The following MSR1 variants were observed in gnomAD, a reference collection of about 807,000 sequenced individuals.
The protein encoded by MSR1 is macrophage scavenger receptor 1.
A neutral mutation model predicts 47.2 loss-of-function variants in MSR1; 53 were observed. That is an observed-to-expected ratio of 1.12 (90% CI 0.90 to 1.41). The LOEUF is 1.41. Among genes scored for constraint, MSR1 ranks in the 40% most tolerant of loss-of-function variants. The pLI is 0.00. For missense variants in MSR1, 786 were observed against 546.9 expected, an observed-to-expected ratio of 1.44 and a Z score of -4.36; for synonymous variants, 239 against 185.6, an observed-to-expected ratio of 1.29 and a Z score of -2.34.
At chr8:16,180,696 G>A (rs1801803256) in intron 1 of MSR1, among the ~76,000 whole-genome samples, 1 of 152,146 alleles carries the variant, frequency 6.6e-6, no homozygotes, top group South Asian at 2.1e-4. Context: ...AGATGCAAAT[G>A]TTCATCCCAC....
In MSR1 at chr8:16,168,646, T is replaced by C. The variant is rs766597020; in HGVS notation, c.442A>G (p.Thr148Ala). Residue 148 changes from threonine to alanine, a missense_variant, in exon 4 of 10, where the codon ACT becomes GCT. Physicochemically the swap from Thr to Ala is moderately conservative, Grantham distance 58. Transcript: ENST00000262101. ...AGAATGTCATTAAATCTTTGATCAG[T>C]TGTCATGCTGAAATTTTGGAAATGC... Reference protein sequence around the residue: ...TEHFQNFSMTTDQRFNDILLQ... With the variant: ...TEHFQNFSMTADQRFNDILLQ... 21 of 1,614,028 alleles carry C rather than the reference T, an allele frequency of 1.3e-5. No homozygotes were observed. Among genetic ancestry groups the C allele is most frequent in the East Asian group, 2.2e-5 (1 of 44,886 alleles).
At position 16,181,261 on chromosome 8, in the gene MSR1, G is replaced by A. The variant is rs570583060; in HGVS notation, c.-4-3269C>T. ...GCATTTCTGGTTCTAAATCCTTGAG[G>A]AACTGCCACACTGTCTTCCACAATG... On this transcript the variant is annotated intron_variant, in intron 1 of 9. Coordinates refer to ENST00000262101, the MANE Select transcript of MSR1 (RefSeq NM_138715.3). Among the ~76,000 whole-genome samples, 5 of 152,258 alleles carry A rather than the reference G, an allele frequency of 3.3e-5. No individual in the cohort carries two copies. The East Asian group carries it at 5.8e-4, about 18-fold the overall frequency.
In MSR1 at chr8:16,176,795, T is replaced by C. The variant is rs146594887; in HGVS notation, c.103+1091A>G. On this transcript the variant is annotated intron_variant, in intron 2 of 9. Transcript: ENST00000262101. ...TTCTGTCTGTAACAGCCCTCACTGT[T>C]ATCTTTTCTTACATGTGTCTCACTT... Among the ~76,000 whole-genome samples, 52 of 152,294 alleles carry C rather than the reference T, an allele frequency of 3.4e-4. No homozygotes were observed. The East Asian group carries it at 9.9e-3, about 29-fold the overall frequency.
intron 8 of MSR1, chr8:16,139,290 T>C (rs913680788): frequency 1.0e-6 from 1 of 984,292 alleles, no homozygotes; most frequent in East Asian, 1.1e-4. Context: ...GCTATTCCAG[T>C]TCAGAGAGAT....
chr8:16,138,525 G>A (rs1800447279), intron 8 of MSR1, among the ~76,000 whole-genome samples: 1 of 152,122 alleles, frequency 6.6e-6, no homozygotes, highest in African/African-American at 2.4e-5. Context: ...TGAAAAGTTT[G>A]GATTAGTTTT....
In MSR1 at chr8:16,110,001, T is replaced by C; in HGVS notation, c.*84A>G. ...GGCAATATTCTTAATCTCTTAAATATTGATTAAATGGATTTTACAGGAACA... is the reference window on the plus strand; with the variant it reads ...GGCAATATTCTTAATCTCTTAAATACTGATTAAATGGATTTTACAGGAACA... On this transcript the variant is annotated 3_prime_UTR_variant, in exon 10 of 10. Coordinates refer to ENST00000262101, the MANE Select transcript of MSR1 (RefSeq NM_138715.3). The C allele has an allele frequency of 6.6e-7, 1 of 1,524,078 alleles. No homozygotes were observed. The highest frequency in any genetic ancestry group is 1.1e-5 in the South Asian group (1 of 88,952). The allele number at this position is 1,524,078 out of a possible 1,614,324, so 94.4% of individuals were successfully genotyped here.
intron 5 of MSR1, among the ~76,000 whole-genome samples, chr8:16,157,297 A>G (rs1186794140): frequency 1.3e-5 from 2 of 151,948 alleles, no homozygotes; most frequent in Non-Finnish European, 2.9e-5. Flanking sequence ...CAATTATATT[A>G]CATGTAATTA....
chr8:16,125,368 G>C (rs929576173), intron 8 of MSR1, among the ~76,000 whole-genome samples: 3 of 152,086 alleles, frequency 2.0e-5, no homozygotes, highest in African/African-American at 7.2e-5. Context: ...AAGAGACTTA[G>C]CAGTGAGATT....
Position 16,150,230 on chromosome 8 carries a change from C to A in MSR1, c.979+1G>T. On this transcript the variant is annotated splice_donor_variant, in intron 7 of 9. Transcript: ENST00000262101. LOFTEE classifies it high-confidence loss of function. ...AAAGAAAATACACATTATTGTAATA[C>A]CTGGCCTTCCGGCATATCCTGGGAG... The A allele has an allele frequency of 6.7e-7, 1 of 1,496,284 alleles. No homozygotes were observed. The highest frequency in any genetic ancestry group is 1.3e-5 in the South Asian group (1 of 78,268). The allele number at this position is 1,496,284 out of a possible 1,614,324, so 92.7% of individuals were successfully genotyped here. A position where few individuals can be genotyped will look rare whatever the true frequency, so the allele number is the denominator to read the frequency against.
intron 6 of MSR1, among the ~76,000 whole-genome samples, chr8:16,151,276 G>T (rs1800851401): frequency 6.6e-6 from 1 of 152,040 alleles, no homozygotes; most frequent in Non-Finnish European, 1.5e-5. Context: ...GTGATGCTCA[G>T]AACACAGCTG....
At chr8:16,169,109 T>C (rs902347295) in intron 3 of MSR1, among the ~76,000 whole-genome samples, 5 of 152,220 alleles carry the variant, frequency 3.3e-5, no homozygotes, top group Non-Finnish European at 5.9e-5. Flanking sequence ...GATTATATCA[T>C]GCTTTCTGAA....
At chr8:16,181,132 A>C (rs1404519026) in intron 1 of MSR1, among the ~76,000 whole-genome samples, 1 of 152,204 alleles carries the variant, frequency 6.6e-6, no homozygotes, top group African/African-American at 2.4e-5. Context: ...AATTAAAAAA[A>C]ACTGACATGA....
intron 2 of MSR1, among the ~76,000 whole-genome samples, chr8:16,175,503 G>C (rs973944450): frequency 2.0e-5 from 3 of 152,182 alleles, no homozygotes; most frequent in Admixed American, 6.5e-5. Context: ...GCACTTGACT[G>C]ACTTATCCAC....
intron 8 of MSR1, chr8:16,139,195 T>G: frequency 3.5e-6 from 3 of 847,956 alleles, no homozygotes; most frequent in Non-Finnish European, 4.3e-6. Context: ...CCATGACATT[T>G]ATTCAGCTTC....
chr8:16,127,673 T>C (rs17620722), intron 8 of MSR1, among the ~76,000 whole-genome samples: 2,964 of 152,232 alleles, frequency 0.019, 61 homozygotes, highest in East Asian at 0.088. Context: ...GACTTCACAA[T>C]GAATATAACA....
At chr8:16,150,888 G>GCACACACACACACA (rs754386463) in intron 6 of MSR1, among the ~76,000 whole-genome samples, 7 of 115,704 alleles carry the variant, frequency 6.0e-5, no homozygotes, top group South Asian at 2.5e-4. Context: ...ACACACACAT[G>GCACACACACACACA]CGATACACAG....
At position 16,171,470 on chromosome 8, in the gene MSR1, T is replaced by A. The variant is rs1001411753; in HGVS notation, c.218-2600A>T. ...GTATGTTACTCTACATGTCTTAACGTATCAATACCTTGGAAATAAAAGTAT... is the reference window on the plus strand; with the variant it reads ...GTATGTTACTCTACATGTCTTAACGAATCAATACCTTGGAAATAAAAGTAT... On this transcript the variant is annotated intron_variant, in intron 3 of 9. Coordinates refer to ENST00000262101, the MANE Select transcript of MSR1 (RefSeq NM_138715.3). 6.6e-5 allele frequency among the ~76,000 whole-genome samples: 10 copies of A among 152,160 alleles called. No individual in the cohort carries two copies. The East Asian group carries it at 1.9e-3, about 29-fold the overall frequency.
chr8:16,131,698 A>G (rs9657212), intron 8 of MSR1, among the ~76,000 whole-genome samples: 109,765 of 151,798 alleles, frequency 0.72, 43,467 homozygotes, highest in Non-Finnish European at 0.89. Context: ...TCTTCTGCAT[A>G]TGGCTAATCA....
chr8:16,120,616 TAAAAAAAAAAAAAA>T lies in MSR1; in HGVS notation c.1034-24_1034-11del. ...ACTTTCGTAAATGGAGCTGTAAAGT[TAAAAAAAAAAAAAA>T]AAAAAAAAAAAGGCAAGCAAGGACT... On this transcript the variant is annotated splice_polypyrimidine_tract_variant and intron_variant, in intron 8 of 9. Coordinates refer to ENST00000262101, the MANE Select transcript of MSR1 (RefSeq NM_138715.3). 2 of 1,195,928 alleles carry T rather than the reference TAAAAAAAAAAAAAA, an allele frequency of 1.7e-6. No individual in the cohort carries two copies. Among genetic ancestry groups the T allele is most frequent in the South Asian group, 1.6e-5 (1 of 61,872 alleles). The allele number at this position is 1,195,928 out of a possible 1,614,324, so 74.1% of individuals were successfully genotyped here.
Sources: allele counts gnomAD v4.1 joint callset (sites outside exome capture counted in the v4.1 genomes callset), GRCh38; gene constraint gnomAD v4.1.1; transcripts MANE v1.5; gene names NCBI Gene and HGNC (gene_info 2026-07-23, HGNC 2026-07-21).